AGBL4: variants seen among roughly 807,000 people sequenced by gnomAD.
The protein encoded by AGBL4 is cytosolic carboxypeptidase 6.
AGBL4 carries 58 observed loss-of-function variants against 66.4 expected under a neutral mutation model. That is an observed-to-expected ratio of 0.87 (90% confidence interval 0.71 to 1.09). The LOEUF is 1.09. Ranked by LOEUF, AGBL4 falls within the 50% of genes least tolerant of loss-of-function variation. AGBL4 has a pLI of 0.00. For missense variants in AGBL4, 579 were observed against 631.0 expected (o/e 0.92, Z 0.88); for synonymous variants, 234 against 222.9 (o/e 1.05, Z -0.44).
chr1:48,877,871 C>CA (rs1419728699), intron 5 of AGBL4, among the ~76,000 whole-genome samples: 1 of 151,956 alleles, frequency 6.6e-6, no homozygotes, highest in Non-Finnish European at 1.5e-5. Flanking sequence ...TAGATCAGAG[C>CA]AAAAAACAGA....
chr1:49,630,885 T>A (rs1440685428), intron 3 of AGBL4, among the ~76,000 whole-genome samples: 1 of 152,166 alleles, frequency 6.6e-6, no homozygotes, highest in African/African-American at 2.4e-5. Context: ...AATCGTTAAA[T>A]AGCTAACCAT....
chr1:49,959,952 T>A (rs545164581), intron 1 of AGBL4, among the ~76,000 whole-genome samples: 2 of 151,862 alleles, frequency 1.3e-5, no homozygotes. Context: ...CACTTTTAAG[T>A]GGGAGCTAAA....
intron 2 of AGBL4, chr1:49,841,861 G>T: frequency 1.8e-6 from 1 of 554,068 alleles, no homozygotes; most frequent in Non-Finnish European, 3.3e-6. Flanking sequence ...CGGAGCAGGG[G>T]CAGCCATTCC....
At chr1:49,629,497 A>T (rs1195182608) in intron 3 of AGBL4, among the ~76,000 whole-genome samples, 2 of 152,264 alleles carry the variant, frequency 1.3e-5, no homozygotes. Context: ...GATCTCAATT[A>T]TACACTTGAG....
At position 49,774,465 on chromosome 1, in the gene AGBL4, T is replaced by C. The variant is rs1644146276; in HGVS notation, c.157+76931A>G. 2.0e-5 allele frequency among the ~76,000 whole-genome samples: 3 copies of C among 152,178 alleles called. No individual in the cohort carries two copies. In the East Asian group the frequency reaches 5.8e-4, roughly 29 times the overall value. ...TGTTGAAATATAGTTGTTTATTCAATGTTTTGGTTCCTTTATATGGGGCAG... is the reference window on the plus strand; with the variant it reads ...TGTTGAAATATAGTTGTTTATTCAACGTTTTGGTTCCTTTATATGGGGCAG... On this transcript the variant is annotated intron_variant, in intron 2 of 13. Transcript: ENST00000371839.
intron 3 of AGBL4, among the ~76,000 whole-genome samples, chr1:49,439,990 A>G (rs1645990085): frequency 6.6e-6 from 1 of 151,744 alleles, no homozygotes; most frequent in African/African-American, 2.4e-5. Flanking sequence ...ATATTAAGGA[A>G]GGGGTTCTTT....
At chr1:49,308,379 T>C (rs1386677665) in intron 3 of AGBL4, among the ~76,000 whole-genome samples, 1 of 152,142 alleles carries the variant, frequency 6.6e-6, no homozygotes, top group East Asian at 1.9e-4. Context: ...GTCTTTAATG[T>C]CTATGTAATA....
At chr1:49,018,075 G>A (rs1293822405) in intron 5 of AGBL4, among the ~76,000 whole-genome samples, 1 of 152,142 alleles carries the variant, frequency 6.6e-6, no homozygotes, top group Non-Finnish European at 1.5e-5. Flanking sequence ...AGGAATAAGG[G>A]ACCAGGTAGG....
rs191499969 is a variant in AGBL4 at position 49,077,979 on chromosome 1, C to T, written c.378-32179G>A. ...CATTTTATTCATTATTATTAATATA[C>T]CCCTTTAAAGAATGAAAAACCAGGT... is the stretch of plus-strand genomic sequence containing the variant. On this transcript the variant is annotated intron_variant, in intron 4 of 13. Coordinates refer to ENST00000371839, the MANE Select transcript of AGBL4 (RefSeq NM_032785.4). Among the ~76,000 whole-genome samples, 451 of 152,148 alleles carry T rather than the reference C, an allele frequency of 3.0e-3. 3 individuals carry two copies. Among genetic ancestry groups the T allele is most frequent in the South Asian group, 0.024 (114 of 4,808 alleles).
intron 1 of AGBL4, among the ~76,000 whole-genome samples, chr1:49,928,644 C>T (rs1254157959): frequency 6.6e-6 from 1 of 152,088 alleles, no homozygotes; most frequent in African/African-American, 2.4e-5. Flanking sequence ...TTGATGAAAA[C>T]TATAAACCCG....
chr1:49,485,525 T>G (rs1465630400), intron 3 of AGBL4, among the ~76,000 whole-genome samples: 1 of 150,498 alleles, frequency 6.6e-6, no homozygotes, highest in Non-Finnish European at 1.5e-5. Flanking sequence ...AGTTAATGGG[T>G]GCAGCACACC....
At chr1:49,719,312 G>T (rs1259522745) in intron 2 of AGBL4, among the ~76,000 whole-genome samples, 1 of 152,092 alleles carries the variant, frequency 6.6e-6, no homozygotes, top group African/African-American at 2.4e-5. Flanking sequence ...GGACTTGCTG[G>T]GTAGAGAAGA....
intron 3 of AGBL4, among the ~76,000 whole-genome samples, chr1:49,473,188 C>T (rs895087845): frequency 6.6e-6 from 1 of 151,978 alleles, no homozygotes; most frequent in Non-Finnish European, 1.5e-5. Context: ...ATTCCTAAGT[C>T]GAATGACTGT....
At chr1:48,692,861 C>T (rs931133537) in intron 6 of AGBL4, among the ~76,000 whole-genome samples, 2 of 152,132 alleles carry the variant, frequency 1.3e-5, no homozygotes, top group African/African-American at 4.8e-5. Flanking sequence ...GTAAGAAGCC[C>T]GCAATACCAC....
rs79401366 is a variant in AGBL4, at chr1:49,615,916, C to T, written c.282+81397G>A. Among the ~76,000 whole-genome samples the T allele has an allele frequency of 6.1e-3, 933 of 152,142 alleles. 9 individuals are homozygous for T. Among genetic ancestry groups the T allele is most frequent in the African/African-American group, 0.021 (867 of 41,540 alleles). Reference sequence around the variant, plus strand: ...TCCCTTAGCTAGAAAAGAAAAGCTCCCACTATTTAGCTGGGCACACAATGT... The same window carrying T: ...TCCCTTAGCTAGAAAAGAAAAGCTCTCACTATTTAGCTGGGCACACAATGT... On this transcript the variant is annotated intron_variant, in intron 3 of 13. Coordinates refer to ENST00000371839, the MANE Select transcript of AGBL4 (RefSeq NM_032785.4).
chr1:49,277,931 C>T (rs991822156), intron 3 of AGBL4, among the ~76,000 whole-genome samples: 1 of 152,070 alleles, frequency 6.6e-6, no homozygotes, highest in African/African-American at 2.4e-5. Context: ...ATTGATTTTT[C>T]GTTCTATTTT....
chr1:49,845,745 C>T, intron 2 of AGBL4: 2 of 1,588,214 alleles, frequency 1.3e-6, no homozygotes, highest in Middle Eastern at 1.7e-4. Context: ...GAGAGAAGCC[C>T]TATGGATGCA....
At chr1:48,557,111 G>A (rs1644332525) in intron 11 of AGBL4, among the ~76,000 whole-genome samples, 1 of 151,980 alleles carries the variant, frequency 6.6e-6, no homozygotes, top group African/African-American at 2.4e-5. Flanking sequence ...TTTTTCACCA[G>A]GTTACCAAGT....
intron 3 of AGBL4, among the ~76,000 whole-genome samples, chr1:49,359,156 T>C (rs539444433): frequency 8.5e-5 from 13 of 152,290 alleles, no homozygotes; most frequent in African/African-American, 2.9e-4. Flanking sequence ...CATGTATGAG[T>C]TAAATTATAT....
Sources: gnomAD v4.1 joint callset for allele counts (sites outside exome capture counted in the v4.1 genomes callset) on GRCh38, gnomAD v4.1.1 for gene constraint, MANE v1.5 for transcripts, NCBI Gene and HGNC (gene_info 2026-07-23, HGNC 2026-07-21) for gene names.